Variants in GHR observed in about 807,000 individuals in gnomAD.
GHR encodes GH receptor.
In GHR, 35 loss-of-function variants were observed where a neutral mutation model predicts 67.1. The observed-to-expected ratio is 0.52, with a 90% CI of 0.40 to 0.69. The LOEUF (loss-of-function observed/expected upper bound fraction) is 0.69, where lower values mean the gene tolerates loss of function less well. GHR is among the 30% of genes least tolerant of loss of function. GHR has a pLI of 0.00. For synonymous variants in GHR, 272 were observed against 269.1 expected, an observed-to-expected ratio of 1.01 and a Z score of -0.10; for missense variants, 792 against 764.6, an observed-to-expected ratio of 1.04 and a Z score of -0.42.
chr5:42,659,660 A>G (rs1755462906), intron 3 of GHR, among the ~76,000 whole-genome samples: 1 of 152,220 alleles, frequency 6.6e-6, no homozygotes, highest in African/African-American at 2.4e-5. Flanking sequence ...GCTCCGGTCT[A>G]CAGCTCCCAG....
chr5:42,523,208 G>C (rs796861227), intron 1 of GHR, among the ~76,000 whole-genome samples: 4 of 152,286 alleles, frequency 2.6e-5, no homozygotes, highest in African/African-American at 9.6e-5. Flanking sequence ...GTTCAACTCT[G>C]GAATTAGAAA....
chr5:42,488,956 C>G (rs895397810), intron 1 of GHR, among the ~76,000 whole-genome samples: 5 of 151,540 alleles, frequency 3.3e-5, no homozygotes, highest in African/African-American at 9.7e-5. Flanking sequence ...GAGTTTGAGT[C>G]TAACCAACAC....
chr5:42,680,512 CT>C (rs1176303744), intron 3 of GHR, among the ~76,000 whole-genome samples: 35 of 145,658 alleles, frequency 2.4e-4, no homozygotes, highest in African/African-American at 6.3e-4. Flanking sequence ...TTGCAAAACA[CT>C]TTTTTTTTTA....
chr5:42,475,979 A>C (rs1042004272), intron 1 of GHR, among the ~76,000 whole-genome samples: 1 of 148,244 alleles, frequency 6.7e-6, no homozygotes, highest in Non-Finnish European at 1.5e-5. Flanking sequence ...ATCTCGGCTC[A>C]CTGCAAGCTC....
At chr5:42,464,804 CATT>C (rs1442884169) in intron 1 of GHR, among the ~76,000 whole-genome samples, 1 of 152,140 alleles carries the variant, frequency 6.6e-6, no homozygotes, top group Non-Finnish European at 1.5e-5. Context: ...TAATGTCTAT[CATT>C]ATGAGTATCT....
chr5:42,637,806 T>C (rs959893025), intron 3 of GHR, among the ~76,000 whole-genome samples: 1 of 152,210 alleles, frequency 6.6e-6, no homozygotes. Flanking sequence ...TTATTTTTCT[T>C]TGGGTATCTA....
chr5:42,646,425 A>T, intron 3 of GHR: 1 of 412,992 alleles, frequency 2.4e-6, no homozygotes, highest in Non-Finnish European at 4.8e-6. Flanking sequence ...GGGTTAGTGT[A>T]CATCACCCAT....
intron 2 of GHR, among the ~76,000 whole-genome samples, chr5:42,590,193 C>T (rs1295004528): frequency 6.6e-6 from 1 of 152,144 alleles, no homozygotes; most frequent in East Asian, 1.9e-4. Flanking sequence ...TATGAATATG[C>T]TTTTGTGTTC....
At chr5:42,638,280 C>G (rs921391561) in intron 3 of GHR, among the ~76,000 whole-genome samples, 3 of 152,032 alleles carry the variant, frequency 2.0e-5, no homozygotes, top group Non-Finnish European at 2.9e-5. Context: ...CTCTTTTAGT[C>G]TCCTGTTATC....
At chr5:42,491,474 G>C (rs1746109967) in intron 1 of GHR, among the ~76,000 whole-genome samples, 1 of 152,072 alleles carries the variant, frequency 6.6e-6, no homozygotes. Context: ...ATGGCCTTGG[G>C]CCCATCACTT....
intron 1 of GHR, among the ~76,000 whole-genome samples, chr5:42,428,290 T>C (rs1356384972): frequency 2.0e-5 from 3 of 152,186 alleles, no homozygotes. Context: ...GCCTGAGCTG[T>C]ACCTTGGCCC....
rs2111704730 is a variant in GHR, at chr5:42,694,987, T to TA, written c.338dup (p.Tyr113Ter). ...TGTTTCTGCTGGGGAAAACAGCTGTTACTTTAATTCATCGTTTACCTCCAT... is the reference window on the plus strand; with the variant it reads ...TGTTTCTGCTGGGGAAAACAGCTGTTAACTTTAATTCATCGTTTACCTCCAT... ...DYVSAGENSCYFNSSFTSIWI... is the reference protein window; with the variant it reads ...DYVSAGENSC Residue 113 changes from tyrosine to a stop codon, truncating the protein, a stop_gained and frameshift_variant, in exon 5 of 10, where the codon TAC becomes TAAC. Coordinates refer to ENST00000230882, the MANE Select transcript of GHR (RefSeq NM_000163.5). LOFTEE classifies it high-confidence loss of function. The TA allele has an allele frequency of 6.2e-7, 1 of 1,609,782 alleles. No individual in the cohort carries two copies. The highest frequency in any genetic ancestry group is 8.5e-7 in the Non-Finnish European group (1 of 1,176,134).
chr5:42,676,882 AGAG>A (rs1756598131), intron 3 of GHR, among the ~76,000 whole-genome samples: 1 of 152,230 alleles, frequency 6.6e-6, no homozygotes, highest in South Asian at 2.1e-4. Context: ...CAGAGATTCA[AGAG>A]GAGGACTCCA....
chr5:42,474,257 C>CAGACAGACAGACAGAAAGAAAGAA (rs1182799025), intron 1 of GHR, among the ~76,000 whole-genome samples: 7 of 87,940 alleles, frequency 8.0e-5, no homozygotes, highest in African/African-American at 3.0e-4. Flanking sequence ...GAAAGACAGA[C>CAGACAGACAGACAGAAAGAAAGAA]AGAAAGAAAG....
At chr5:42,425,823 T>C (rs1459632764) in intron 1 of GHR, among the ~76,000 whole-genome samples, 5 of 152,214 alleles carry the variant, frequency 3.3e-5, no homozygotes, top group Non-Finnish European at 7.3e-5. Context: ...TTAGCTTTTT[T>C]TTATTGGAGT....
intron 3 of GHR, among the ~76,000 whole-genome samples, chr5:42,683,690 G>A (rs1434525980): frequency 2.0e-5 from 3 of 152,166 alleles, no homozygotes; most frequent in Non-Finnish European, 4.4e-5. Context: ...ATAAAGAAAA[G>A]AGGAAGGTGG....
At chr5:42,663,681 G>C (rs1195803714) in intron 3 of GHR, among the ~76,000 whole-genome samples, 1 of 152,126 alleles carries the variant, frequency 6.6e-6, no homozygotes, top group Non-Finnish European at 1.5e-5. Context: ...TTGAAAACTG[G>C]CACAAGACAG....
At chr5:42,526,570 A>G (rs550469142) in intron 1 of GHR, among the ~76,000 whole-genome samples, 94 of 152,258 alleles carry the variant, frequency 6.2e-4, no homozygotes, top group African/African-American at 2.1e-3. Context: ...TAAGACTTTC[A>G]TAGTTAGAAA....
chr5:42,611,994 G>T (rs548997792), intron 2 of GHR, among the ~76,000 whole-genome samples: 1 of 152,258 alleles, frequency 6.6e-6, no homozygotes, highest in South Asian at 2.1e-4. Flanking sequence ...AGACCCATGT[G>T]TGATGTATGC....
Sources: gnomAD v4.1 joint callset for allele counts (sites outside exome capture counted in the v4.1 genomes callset) on GRCh38, gnomAD v4.1.1 for gene constraint, MANE v1.5 for transcripts, NCBI Gene and HGNC (gene_info 2026-07-23, HGNC 2026-07-21) for gene names.